SLC25A21: variants seen among roughly 807,000 people sequenced by gnomAD.
The protein encoded by SLC25A21 is mitochondrial 2-oxodicarboxylate carrier.
Under a neutral mutation model 43.8 loss-of-function variants are expected in SLC25A21, and 47 were observed. The ratio of observed to expected loss-of-function variants is 1.07; its 90% CI spans 0.85 to 1.37. SLC25A21 has a LOEUF of 1.37. Ranked by LOEUF, SLC25A21 falls within the 40% of genes most tolerant of loss-of-function variation. The probability of loss-of-function intolerance (pLI) is 0.00; values close to 1 mark genes in which losing one functional copy is unlikely to be tolerated. For missense variants in SLC25A21, 352 were observed against 350.2 expected (o/e 1.00, Z -0.04); for synonymous variants, 131 against 121.3 (o/e 1.08, Z -0.52).
chr14:37,101,455 G>T (rs966250067), intron 1 of SLC25A21, among the ~76,000 whole-genome samples: 1 of 152,094 alleles, frequency 6.6e-6, no homozygotes, highest in Non-Finnish European at 1.5e-5. Context: ...AAATGCCAGT[G>T]GATGAAGATG....
At chr14:36,749,743 C>T (rs899358399) in intron 3 of SLC25A21, among the ~76,000 whole-genome samples, 2 of 152,174 alleles carry the variant, frequency 1.3e-5, no homozygotes, top group African/African-American at 2.4e-5. Context: ...GCCTGGGATC[C>T]TCACCTCACA....
intron 1 of SLC25A21, among the ~76,000 whole-genome samples, chr14:37,118,067 G>A (rs1354689790): frequency 6.6e-6 from 1 of 151,718 alleles, no homozygotes; most frequent in African/African-American, 2.4e-5. Context: ...CTAATGAAAG[G>A]CCACCAAGTT....
chr14:36,784,743 G>A (rs1432702703), intron 3 of SLC25A21, among the ~76,000 whole-genome samples: 1 of 152,198 alleles, frequency 6.6e-6, no homozygotes, highest in Non-Finnish European at 1.5e-5. Flanking sequence ...CAAAGAGAAG[G>A]AGAGGTAGGA....
intron 1 of SLC25A21, among the ~76,000 whole-genome samples, chr14:36,923,343 T>G (rs1195481980): frequency 6.6e-6 from 1 of 152,102 alleles, no homozygotes; most frequent in Non-Finnish European, 1.5e-5. Flanking sequence ...GAAAAATATA[T>G]TTTAAAAACA....
At chr14:36,725,084 CTTGA>C (rs1216490087) in intron 6 of SLC25A21, 1 of 152,182 alleles carries the variant, frequency 6.6e-6, no homozygotes, top group African/African-American at 2.4e-5. Flanking sequence ...GCAGGAGATA[CTTGA>C]TTTTTTCTTA....
chr14:36,904,418 C>A (rs547620984), intron 1 of SLC25A21, among the ~76,000 whole-genome samples: 63 of 152,258 alleles, frequency 4.1e-4, no homozygotes, highest in African/African-American at 1.5e-3. Context: ...AGCCTAATTT[C>A]TCTGGAACTT....
intron 1 of SLC25A21, among the ~76,000 whole-genome samples, chr14:36,938,865 G>C (rs916773135): frequency 1.3e-5 from 2 of 151,974 alleles, no homozygotes; most frequent in Non-Finnish European, 2.9e-5. Flanking sequence ...AAAAACTTCA[G>C]AAATCTATAT....
intron 1 of SLC25A21, among the ~76,000 whole-genome samples, chr14:37,144,297 ATGAT>A (rs1963621896): frequency 6.6e-6 from 1 of 152,368 alleles, no homozygotes; most frequent in Admixed American, 6.5e-5. Context: ...TCAATTAATA[ATGAT>A]TGATCAAATT....
chr14:36,779,350 G>A, intron 3 of SLC25A21, among the ~76,000 whole-genome samples: 1 of 140,728 alleles, frequency 7.1e-6, no homozygotes, highest in South Asian at 2.2e-4. Flanking sequence ...TTTAAAAAAA[G>A]AAGGAATTAT....
rs114897832 is a variant in SLC25A21 at position 37,171,605 on chromosome 14, A to G, written c.70+676T>C. 4.3e-3 allele frequency among the ~76,000 whole-genome samples: 654 copies of G among 152,310 alleles called. 4 individuals are homozygous for G. Among genetic ancestry groups the G allele is most frequent in the African/African-American group, 0.015 (635 of 41,576 alleles). On this transcript the variant is annotated intron_variant, in intron 1 of 9. Coordinates refer to ENST00000331299, the MANE Select transcript of SLC25A21 (RefSeq NM_030631.4). The stretch of plus-strand genomic sequence containing the variant: ...GCTTTAAAATACTTGCACATAACAC[A>G]TGTCGTGGTTAGTAACTTTCTCCAG...
rs1012276609 is a variant in SLC25A21 at position 36,847,304 on chromosome 14, A to G, written c.119+27652T>C. 2.0e-5 allele frequency among the ~76,000 whole-genome samples: 3 copies of G among 152,198 alleles called. No individual in the cohort carries two copies. In the East Asian group the frequency reaches 5.8e-4, roughly 29 times the overall value. On this transcript the variant is annotated intron_variant, in intron 2 of 9. Transcript: ENST00000331299. ...TCAGGTGAATTAGATAATTCCATTA[A>G]AATACCCAGCCATCAGAGATGTAAA... is the stretch of plus-strand genomic sequence containing the variant.
chr14:37,018,593 C>G (rs1287851903), intron 1 of SLC25A21, among the ~76,000 whole-genome samples: 2 of 152,088 alleles, frequency 1.3e-5, no homozygotes, highest in East Asian at 3.9e-4. Flanking sequence ...TTCACTGTCT[C>G]CATTGTCATT....
intron 5 of SLC25A21, among the ~76,000 whole-genome samples, chr14:36,728,495 A>G (rs1347986006): frequency 6.6e-6 from 1 of 152,214 alleles, no homozygotes; most frequent in Non-Finnish European, 1.5e-5. Context: ...AATCCCAGCT[A>G]GTTTCGAGAT....
chr14:36,847,185 G>A (rs1386212812), intron 2 of SLC25A21, among the ~76,000 whole-genome samples: 2 of 152,092 alleles, frequency 1.3e-5, no homozygotes, highest in Non-Finnish European at 2.9e-5. Context: ...CAAGAGTTTT[G>A]GTTAAGAAAT....
At chr14:36,681,965 A>T (rs1464311852) in intron 9 of SLC25A21, among the ~76,000 whole-genome samples, 12 of 152,206 alleles carry the variant, frequency 7.9e-5, no homozygotes. Context: ...GTAAGACAAG[A>T]ATATGCAGAG....
intron 1 of SLC25A21, among the ~76,000 whole-genome samples, chr14:37,040,763 G>A (rs1162866042): frequency 1.3e-5 from 2 of 151,940 alleles, no homozygotes; most frequent in Non-Finnish European, 2.9e-5. Flanking sequence ...GTGGACAGAT[G>A]AGAAAGAAAG....
chr14:37,010,078 T>C (rs774808592), intron 1 of SLC25A21, among the ~76,000 whole-genome samples: 2 of 152,186 alleles, frequency 1.3e-5, no homozygotes, highest in Non-Finnish European at 2.9e-5. Flanking sequence ...ACTGCCTCTT[T>C]TAGCCTTGAT....
chr14:37,067,696 C>A (rs530594866), intron 1 of SLC25A21, among the ~76,000 whole-genome samples: 2 of 152,336 alleles, frequency 1.3e-5, no homozygotes. Flanking sequence ...GAATTGCCAG[C>A]AGCTTGGCTG....
In SLC25A21 at chr14:37,128,538, CTGTGTGTGTG is replaced by C. The variant is rs367948974; in HGVS notation, c.70+43733_70+43742del. Among the ~76,000 whole-genome samples, 373 of 122,788 alleles carry C rather than the reference CTGTGTGTGTG, an allele frequency of 3.0e-3. 1 individual carries two copies. The highest frequency in any genetic ancestry group is 9.4e-3 in the African/African-American group (298 of 31,644). The allele number at this position is 122,788 out of a possible 152,430, so 80.6% of individuals were successfully genotyped here. A position where few individuals can be genotyped will look rare whatever the true frequency, so the allele number is the denominator to read the frequency against. ...ACTTTCTGTCTCTCTCTCTCTCTCT[CTGTGTGTGTG>C]TGTGTGTGTGTGTGTGTGTGTGTGT... On this transcript the variant is annotated intron_variant, in intron 1 of 9. Coordinates refer to ENST00000331299, the MANE Select transcript of SLC25A21 (RefSeq NM_030631.4).
Sources: allele counts gnomAD v4.1 joint callset (sites outside exome capture counted in the v4.1 genomes callset), GRCh38; gene constraint gnomAD v4.1.1; transcripts MANE v1.5; gene names NCBI Gene and HGNC (gene_info 2026-07-23, HGNC 2026-07-21).